Variants in PIGN observed in about 807,000 individuals in gnomAD.
The protein encoded by PIGN is GPI ethanolamine phosphate transferase 1.
Under a neutral mutation model 125.4 loss-of-function variants are expected in PIGN, and 117 were observed. The ratio of observed to expected loss-of-function variants is 0.93; its 90% confidence interval spans 0.80 to 1.09. PIGN has a LOEUF of 1.09. Ranked by LOEUF, PIGN falls within the 50% of genes least tolerant of loss-of-function variation. PIGN has a pLI of 0.00. For missense variants in PIGN, 1,075 were observed against 1,094.9 expected (o/e 0.98, Z 0.26); for synonymous variants, 392 against 377.8 (o/e 1.04, Z -0.44).
At chr18:62,101,502 TAC>T (rs2034436987) in intron 21 of PIGN, among the ~76,000 whole-genome samples, 1 of 152,226 alleles carries the variant, frequency 6.6e-6, no homozygotes, top group South Asian at 2.1e-4. Flanking sequence ...TTATTCTGGA[TAC>T]ATTCTGTCAA....
chr18:62,130,163 T>A (rs1190415268), intron 14 of PIGN, among the ~76,000 whole-genome samples: 1 of 152,162 alleles, frequency 6.6e-6, no homozygotes, highest in Non-Finnish European at 1.5e-5. Context: ...ACCTTGCTTT[T>A]GGACTCCTAG....
rs368917283 is a variant in PIGN, at chr18:62,028,230, A to C, written c.2143-10489T>G. ...TTTATATACCTGAGCCTCCTGGGAA[A>C]GTGTCTCTGCCAGTTGTGACAACAA... is the stretch of plus-strand genomic sequence containing the variant. On this transcript the variant is annotated intron_variant, in intron 23 of 24. Coordinates refer to the PIGN transcript ENST00000639600. Among the ~76,000 whole-genome samples, 320 of 152,320 alleles carry C rather than the reference A, an allele frequency of 2.1e-3. 1 individual carries two copies. The highest frequency in any genetic ancestry group is 7.2e-3 in the African/African-American group (300 of 41,572).
At position 62,140,443 on chromosome 18, in the gene PIGN, C is replaced by T; in HGVS notation, c.1000G>A (p.Val334Ile). 2 of 1,549,724 alleles carry T rather than the reference C, an allele frequency of 1.3e-6. No individual in the cohort carries two copies. The highest frequency in any genetic ancestry group is 1.2e-5 in the South Asian group (1 of 84,642). ...IAPLMTSLIG[V>I]PFPLNSVGIL... is the part of the protein sequence containing the mutation. ...ACCACTGAGTTAAGAGGAAAGGGAA[C>T]TCCAATAAGGGAAGTCATCAATGGT... Residue 334 changes from valine (V) to isoleucine (I), a missense_variant, in exon 12 of 31, where the codon GTT becomes ATT. Val to Ile is a conservative substitution (Grantham distance 29). Around this residue, in one of 3 missense-constraint regions of PIGN, gnomAD observed 915 missense variants for 908.7 expected, o/e 1.01. Coordinates refer to ENST00000640252, the MANE Select transcript of PIGN (RefSeq NM_176787.5).
intron 14 of PIGN, among the ~76,000 whole-genome samples, chr18:62,133,875 A>T (rs2035830299): frequency 2.0e-5 from 3 of 152,074 alleles, no homozygotes; most frequent in African/African-American, 2.4e-5. Flanking sequence ...ACTCTTTTTC[A>T]TTTCTCAGTT....
chr18:62,181,990 T>C (rs1156459944), intron 1 of PIGN, among the ~76,000 whole-genome samples: 1 of 152,186 alleles, frequency 6.6e-6, no homozygotes, highest in Admixed American at 6.5e-5. Flanking sequence ...CCTCCCAAAG[T>C]GGTGGGATTA....
intron 14 of PIGN, among the ~76,000 whole-genome samples, chr18:62,127,105 A>C (rs1017979668): frequency 6.6e-6 from 1 of 152,114 alleles, no homozygotes; most frequent in Non-Finnish European, 1.5e-5. Flanking sequence ...CCTAGCTTCA[A>C]TGTTTACTAA....
chr18:62,101,296 A>G (rs1010647948), intron 21 of PIGN, 113 bp from the exon 22 acceptor site: 12 of 661,056 alleles, frequency 1.8e-5, no homozygotes, highest in African/African-American at 1.1e-4. Flanking sequence ...AAAAATGTGT[A>G]TCTTGGAATC....
intron 1 of PIGN, among the ~76,000 whole-genome samples, chr18:62,163,973 T>C (rs1253125109): frequency 6.6e-6 from 1 of 152,230 alleles, no homozygotes; most frequent in Non-Finnish European, 1.5e-5. Context: ...TAGCATAATG[T>C]CCTCAAGTTT....
chr18:62,093,386 T>C (rs1953687076), intron 23 of PIGN, among the ~76,000 whole-genome samples: 1 of 152,090 alleles, frequency 6.6e-6, no homozygotes, highest in African/African-American at 2.4e-5. Flanking sequence ...TCTGCATTAA[T>C]AAACTGAAAT....
chr18:62,027,836 G>A (rs925603661), intron 23 of PIGN, among the ~76,000 whole-genome samples: 1 of 152,058 alleles, frequency 6.6e-6, no homozygotes, highest in Non-Finnish European at 1.5e-5. Flanking sequence ...GAGCCTGGGA[G>A]GTCAAGGCAG....
intron 30 of PIGN, chr18:62,052,849 C>A (rs1343554598): frequency 1.2e-5 from 4 of 330,176 alleles, no homozygotes; most frequent in African/African-American, 8.6e-5. Context: ...ACTGGTTGTT[C>A]CTTTCCACAT....
At position 62,043,811 on chromosome 18, in the gene PIGN, T is replaced by C. The variant is rs548388834; in HGVS notation, c.*2045A>G. ...CTTGTTCTGCCTATTTTAATTCTTA[T>C]AACAATTCCTAATTTAAACATTGTT... On this transcript the variant is annotated 3_prime_UTR_variant, in exon 31 of 31. Transcript: ENST00000640252. 1.3e-5 allele frequency: 2 copies of C among 152,202 alleles called. No homozygotes were observed. Among genetic ancestry groups the C allele is most frequent in the Non-Finnish European group, 2.9e-5 (2 of 68,028 alleles). 9.4% of individuals were successfully genotyped at this position (152,202 alleles called of 1,614,324 possible). A position where few individuals can be genotyped will look rare whatever the true frequency, so the allele number is the denominator to read the frequency against.
chr18:62,031,525 G>A (rs2030192597), intron 23 of PIGN, among the ~76,000 whole-genome samples: 1 of 152,170 alleles, frequency 6.6e-6, no homozygotes, highest in Non-Finnish European at 1.5e-5. Flanking sequence ...GAAGGGAAAT[G>A]AAAAGTTGAG....
At chr18:62,144,910 G>T (rs1047227038) in intron 10 of PIGN, among the ~76,000 whole-genome samples, 1 of 151,676 alleles carries the variant, frequency 6.6e-6, no homozygotes, top group Non-Finnish European at 1.5e-5. Flanking sequence ...AGGCTGTAGT[G>T]AGCTACGACT....
At chr18:62,023,242 C>A (rs532402538) in intron 23 of PIGN, among the ~76,000 whole-genome samples, 1 of 152,272 alleles carries the variant, frequency 6.6e-6, no homozygotes, top group South Asian at 2.1e-4. Context: ...TTATTCCCCA[C>A]TTCCAAAGCC....
At chr18:62,084,777 T>C (rs1036949380) in intron 26 of PIGN, among the ~76,000 whole-genome samples, 171 bp from the exon 27 acceptor site, 3 of 152,184 alleles carry the variant, frequency 2.0e-5, no homozygotes, top group Admixed American at 6.5e-5. Context: ...AATGTGCCAA[T>C]ACATACCAAT....
intron 23 of PIGN, among the ~76,000 whole-genome samples, chr18:62,018,269 G>A (rs537970044): frequency 2.6e-5 from 4 of 152,310 alleles, no homozygotes; most frequent in African/African-American, 9.6e-5. Context: ...GGCTGGGAAT[G>A]GGCGAGATCA....
intron 14 of PIGN, among the ~76,000 whole-genome samples, chr18:62,119,852 A>C (rs1044656133): frequency 6.6e-6 from 1 of 151,796 alleles, no homozygotes; most frequent in African/African-American, 2.4e-5. Context: ...TCAAAAAAAA[A>C]AAAGAAAGAA....
At chr18:62,028,224 TG>T (rs1384451803) in intron 23 of PIGN, among the ~76,000 whole-genome samples, 1 of 152,224 alleles carries the variant, frequency 6.6e-6, no homozygotes, top group Non-Finnish European at 1.5e-5. Context: ...CTGAGCCTCC[TG>T]GGAAAGTGTC....
Sources: gnomAD v4.1 joint callset for allele counts (sites outside exome capture counted in the v4.1 genomes callset) on GRCh38, gnomAD v4.1.1 for gene constraint, gnomAD v4.1.1 regional missense constraint, MANE v1.5 for transcripts, NCBI Gene and HGNC (gene_info 2026-07-23, HGNC 2026-07-21) for gene names.